KLF8: variants seen among roughly 807,000 people sequenced by gnomAD.
KLF8 encodes Krueppel-like factor 8.
Under a neutral mutation model 18.2 loss-of-function variants are expected in KLF8, and 10 were observed. That is an observed-to-expected ratio of 0.55 (90% CI 0.34 to 0.93). The LOEUF (loss-of-function observed/expected upper bound fraction) is 0.93. Ranked by LOEUF, KLF8 falls within the 40% of genes least tolerant of loss-of-function variation. KLF8 has a pLI of 0.02. For synonymous variants in KLF8, 109 were observed against 97.3 expected (o/e 1.12, Z -0.71); for missense variants, 264 against 277.9 (o/e 0.95, Z 0.36).
the KLF8 span, among the ~76,000 whole-genome samples, chrX:56,080,903 C>T: frequency 9.0e-6 from 1 of 110,875 alleles, no homozygotes; most frequent in Non-Finnish European, 1.9e-5. Flanking sequence ...TTCATTTCAT[C>T]TTCCATCACT....
chrX:56,068,873 A>G, the KLF8 span, among the ~76,000 whole-genome samples: 1 of 112,371 alleles, frequency 8.9e-6, no homozygotes, highest in South Asian at 3.7e-4. Context: ...CATGCAGGTA[A>G]TGCTTGCTAG....
the KLF8 span, among the ~76,000 whole-genome samples, chrX:56,131,919 C>T: frequency 1.8e-5 from 2 of 111,955 alleles, no homozygotes; most frequent in Admixed American, 9.5e-5. Flanking sequence ...GATAAAAGAG[C>T]TTGTCCAACA....
the KLF8 span, among the ~76,000 whole-genome samples, chrX:56,058,277 T>TACGTATATATAC: frequency 5.3e-3 from 175 of 33,084 alleles, 2 homozygotes; most frequent in South Asian, 0.022. Flanking sequence ...TACATATATA[T>TACGTATATATAC]ACATATATAT....
the KLF8 span, among the ~76,000 whole-genome samples, chrX:55,970,343 A>T: frequency 9.0e-6 from 1 of 111,380 alleles, no homozygotes; most frequent in Non-Finnish European, 1.9e-5. Flanking sequence ...ATCTCAATTG[A>T]TGCTGAAAAA....
At chrX:56,200,227 A>G in the KLF8 span, among the ~76,000 whole-genome samples, 1 of 111,042 alleles carries the variant, frequency 9.0e-6, no homozygotes, top group East Asian at 2.8e-4. Context: ...AAGTTAAAGT[A>G]TTTAAAAAAG....
At chrX:56,170,829 T>A in the KLF8 span, among the ~76,000 whole-genome samples, 17 of 111,366 alleles carry the variant, frequency 1.5e-4, 1 homozygote, top group South Asian at 6.4e-3. Context: ...CAAGTACAAA[T>A]AGGCTATAGA....
chrX:56,155,523 G>A, the KLF8 span, among the ~76,000 whole-genome samples: 1 of 110,436 alleles, frequency 9.1e-6, no homozygotes, highest in Non-Finnish European at 1.9e-5. Flanking sequence ...GTTAATGGGT[G>A]CACCTCACCA....
At chrX:56,042,867 C>T in the KLF8 span, among the ~76,000 whole-genome samples, 3 of 111,350 alleles carry the variant, frequency 2.7e-5, no homozygotes, top group Non-Finnish European at 3.8e-5. Context: ...GTCATCAAGA[C>T]GCTAGCTGGT....
chrX:56,156,522 A>G, the KLF8 span, among the ~76,000 whole-genome samples: 2 of 110,690 alleles, frequency 1.8e-5, no homozygotes, highest in Non-Finnish European at 3.8e-5. Flanking sequence ...TTTGCTAAGG[A>G]TAATGGCCTC....
chrX:56,181,962 T>G, the KLF8 span, among the ~76,000 whole-genome samples: 1 of 111,000 alleles, frequency 9.0e-6, no homozygotes, highest in Non-Finnish European at 1.9e-5. Context: ...TTTTGAGGAG[T>G]ATCTTCGTGG....
At chrX:56,004,851 G>T in the KLF8 span, among the ~76,000 whole-genome samples, 1 of 110,755 alleles carries the variant, frequency 9.0e-6, no homozygotes, top group Admixed American at 9.6e-5. Context: ...AAGACAAGTT[G>T]CAAAGCATTT....
intron 2 of KLF8, among the ~76,000 whole-genome samples, chrX:56,257,696 T>G (rs2066818056): frequency 8.9e-6 from 1 of 112,480 alleles, no homozygotes; most frequent in Non-Finnish European, 1.9e-5. Flanking sequence ...ATTTTGTTCT[T>G]ATTTATGTCT....
the KLF8 span, among the ~76,000 whole-genome samples, chrX:56,146,721 AAAAAG>A: frequency 6.3e-5 from 7 of 111,341 alleles, no homozygotes; most frequent in East Asian, 2.8e-4. Flanking sequence ...ATAAAAAAAA[AAAAAG>A]AAGAAGAAGA....
the KLF8 span, among the ~76,000 whole-genome samples, chrX:56,067,729 C>T: frequency 8.9e-6 from 1 of 112,141 alleles, no homozygotes; most frequent in South Asian, 3.7e-4. Context: ...GGAGAATCCC[C>T]CTTCCCCCGT....
chrX:56,115,010 A>G, the KLF8 span, among the ~76,000 whole-genome samples: 1 of 112,608 alleles, frequency 8.9e-6, no homozygotes, highest in Non-Finnish European at 1.9e-5. Flanking sequence ...GTCAAATTTT[A>G]AAAAGTTTGA....
intron 5 of KLF8, among the ~76,000 whole-genome samples, chrX:56,278,866 A>T (rs1375425163): frequency 9.0e-6 from 1 of 111,511 alleles, no homozygotes; most frequent in African/African-American, 3.3e-5. Context: ...TCTGGCTCTG[A>T]CTGGTTTAAA....
At chrX:56,235,486 G>A (rs948167357) in intron 1 of KLF8, among the ~76,000 whole-genome samples, 1 of 103,404 alleles carries the variant, frequency 9.7e-6, no homozygotes, top group African/African-American at 3.6e-5. Context: ...GCGTGATCTC[G>A]GCTTGCCGCA....
chrX:56,230,988 G>GA (rs899424648), upstream of KLF8, among the ~76,000 whole-genome samples: 2 of 108,991 alleles, frequency 1.8e-5, no homozygotes, highest in African/African-American at 6.7e-5. Flanking sequence ...GGACATGCAA[G>GA]AAAAAAAAAG....
intron 1 of KLF8, chrX:56,243,198 T>G (rs998878427): frequency 3.3e-5 from 16 of 490,452 alleles, no homozygotes; most frequent in Non-Finnish European, 6.0e-5. Flanking sequence ...TAGTCAAGCT[T>G]GTTTCTCCTG....
Sources: gnomAD v4.1 joint callset for allele counts (sites outside exome capture counted in the v4.1 genomes callset) on GRCh38, gnomAD v4.1.1 for gene constraint, MANE v1.5 for transcripts, NCBI Gene and HGNC (gene_info 2026-07-23, HGNC 2026-07-21) for gene names.